The following IGSF10 variants were observed in gnomAD, a reference collection of about 807,000 sequenced individuals.
The protein encoded by IGSF10 is calvaria mechanical force protein 608.
IGSF10 carries 126 observed loss-of-function variants against 128.2 expected under a neutral mutation model. That is an observed-to-expected ratio of 0.98 (90% CI 0.85 to 1.14). The LOEUF is 1.14. Ranked by LOEUF, IGSF10 falls within the 50% of genes most tolerant of loss-of-function variation. The pLI is 0.00. For synonymous variants in IGSF10, 1,185 were observed against 1,146.2 expected, an observed-to-expected ratio of 1.03 and a Z score of -0.68; for missense variants, 3,295 against 3,149.8, an observed-to-expected ratio of 1.05 and a Z score of -1.10.
the IGSF10 span, among the ~76,000 whole-genome samples, chr3:151,541,686 C>T: frequency 9.9e-5 from 15 of 152,138 alleles, no homozygotes; most frequent in Admixed American, 2.6e-4. Flanking sequence ...CTTACTAATA[C>T]CTCCTCATGT....
chr3:151,511,727 C>A, the IGSF10 span, among the ~76,000 whole-genome samples: 2 of 152,102 alleles, frequency 1.3e-5, no homozygotes, highest in Non-Finnish European at 2.9e-5. Flanking sequence ...AACCATCTCA[C>A]GTGCAGAGAC....
At chr3:151,551,601 C>T in the IGSF10 span, among the ~76,000 whole-genome samples, 1 of 150,908 alleles carries the variant, frequency 6.6e-6, no homozygotes, top group East Asian at 2.0e-4. Context: ...ATGTCAAATA[C>T]AAGAAATAAT....
chr3:151,491,097 C>G, the IGSF10 span, among the ~76,000 whole-genome samples: 6 of 151,536 alleles, frequency 4.0e-5, no homozygotes, highest in Non-Finnish European at 8.8e-5. Flanking sequence ...ATTGACAAAC[C>G]CTTAGCTAGT....
the IGSF10 span, among the ~76,000 whole-genome samples, chr3:151,495,369 A>G: frequency 1.3e-5 from 2 of 152,106 alleles, no homozygotes; most frequent in Non-Finnish European, 1.5e-5. Flanking sequence ...TGAAAACTAA[A>G]TGGGGATCTG....
chr3:151,434,035 A>T (rs1340418443), downstream of IGSF10: 2 of 152,590 alleles, frequency 1.3e-5, no homozygotes, highest in East Asian at 3.8e-4. Flanking sequence ...ATTCTATATA[A>T]TATTTTTTTA....
rs779200430 is a variant in IGSF10 at position 151,438,139 on chromosome 3, G to A, written c.6422C>T (p.Pro2141Leu). 1.9e-6 allele frequency: 3 copies of A among 1,614,094 alleles called. No homozygotes were observed. Among genetic ancestry groups the A allele is most frequent in the Non-Finnish European group, 2.5e-6 (3 of 1,179,998 alleles). ...KVHLTVITAA[P>L]RIRQSNKTNK... The stretch of plus-strand genomic sequence containing the variant: ...GGTTTTGTTACTCTGCCTTATCCGG[G>A]GAGCAGCTGTTATAACTGTTAAGTG... The change falls in exon 8 of 8, where the codon CCC becomes CTC. Residue 2141 changes from proline to leucine, a missense_variant. Transcript: ENST00000282466.
the IGSF10 span, among the ~76,000 whole-genome samples, chr3:151,584,433 C>A: frequency 8.5e-5 from 13 of 152,250 alleles, no homozygotes; most frequent in South Asian, 2.7e-3. Context: ...TAGGTTTATG[C>A]TCACCATATT....
the IGSF10 span, among the ~76,000 whole-genome samples, chr3:151,474,301 G>A: frequency 6.6e-6 from 1 of 152,120 alleles, no homozygotes; most frequent in East Asian, 1.9e-4. Context: ...TGTTTCCTTA[G>A]ACACTACTAC....
At chr3:151,495,148 C>A in the IGSF10 span, among the ~76,000 whole-genome samples, 3 of 151,868 alleles carry the variant, frequency 2.0e-5, no homozygotes, top group Admixed American at 2.0e-4. Flanking sequence ...CTTACATAAA[C>A]GTGATTACTG....
Position 151,461,045 on chromosome 3 carries a change from T to G in IGSF10, c.-188A>C. 1 of 985,214 alleles carries G rather than the reference T, an allele frequency of 1.0e-6. No homozygotes were observed. Among genetic ancestry groups the G allele is most frequent in the Non-Finnish European group, 1.2e-6 (1 of 829,880 alleles). The allele number at this position is 985,214 out of a possible 1,614,324, so 61.0% of individuals were successfully genotyped here. Reference sequence around the variant, plus strand: ...GGGTCGTGCGGAGCTGGTCCGGAGCTCTGGGAGGGAAGGAAGGAAGGCGGA... The same window carrying G: ...GGGTCGTGCGGAGCTGGTCCGGAGCGCTGGGAGGGAAGGAAGGAAGGCGGA... On this transcript the variant is annotated 5_prime_UTR_variant, in exon 1 of 8. Coordinates refer to ENST00000282466, the MANE Select transcript of IGSF10 (RefSeq NM_178822.5).
Position 151,448,391 on chromosome 3 carries a change from T to C in IGSF10, c.1590A>G (p.Ile530Met), listed in dbSNP as rs1361181582. ...PYVSEDGRIL[I>M]DKSGKLELQM... is the part of the protein sequence containing the mutation. ...GGAGTTCCAATTTTCCACTTTTGTC[T>C]ATTAGGATCCGTCCATCCTCACTGA... is the stretch of plus-strand genomic sequence containing the variant. The change falls in exon 6 of 8, where the codon ATA (isoleucine) becomes ATG (methionine). Residue 530 changes from isoleucine to methionine, a missense_variant. Physicochemically the swap from Ile to Met is conservative, Grantham distance 10. Coordinates refer to ENST00000282466, the MANE Select transcript of IGSF10 (RefSeq NM_178822.5). The C allele has an allele frequency of 1.9e-6, 3 of 1,614,128 alleles. No homozygotes were observed.
At chr3:151,435,578 T>TAAGA (rs879350775), downstream of IGSF10, 4 of 152,038 alleles carry the variant, frequency 2.6e-5, no homozygotes, top group Non-Finnish European at 5.9e-5. Flanking sequence ...CTGAGATATC[T>TAAGA]AAGACCTATG....
chr3:151,449,336 T>C, intron 5 of IGSF10, 71 bp from the exon 6 acceptor site: 1 of 1,374,092 alleles, frequency 7.3e-7, no homozygotes, highest in Non-Finnish European at 9.7e-7. Flanking sequence ...TTTGAAGAAA[T>C]AGCTTTTGCT....
At chr3:151,533,959 A>C in the IGSF10 span, among the ~76,000 whole-genome samples, 1 of 152,236 alleles carries the variant, frequency 6.6e-6, no homozygotes, top group East Asian at 1.9e-4. Flanking sequence ...AATTTACAAG[A>C]AAACAACAAC....
the IGSF10 span, among the ~76,000 whole-genome samples, chr3:151,547,485 A>G: frequency 2.6e-5 from 4 of 151,590 alleles, no homozygotes; most frequent in African/African-American, 9.7e-5. Context: ...ACTGTTGCCA[A>G]TTGTCTAGGT....
the IGSF10 span, among the ~76,000 whole-genome samples, chr3:151,560,706 C>A: frequency 1.3e-5 from 2 of 151,622 alleles, no homozygotes; most frequent in African/African-American, 4.8e-5. Flanking sequence ...GCCATAGCCC[C>A]CCCCTCCGTC....
rs148770869 is a variant in IGSF10, at chr3:151,446,286, G to A, written c.3695C>T (p.Ala1232Val). The part of the protein sequence containing the change: ...QHKVSLQKST[A>V]VMLPKTSPAL... ...AGGAGATGTTTTAGGAAGCATCACAGCTGTGCTTTTTTGTAAACTAACTTT... is the reference window on the plus strand; with the variant it reads ...AGGAGATGTTTTAGGAAGCATCACAACTGTGCTTTTTTGTAAACTAACTTT... Residue 1232 changes from alanine to valine, a missense_variant, in exon 6 of 8, where the codon GCT (alanine) becomes GTT (valine). Physicochemically the swap from Ala to Val is moderately conservative, Grantham distance 64 (BLOSUM62 0). Coordinates refer to ENST00000282466, the MANE Select transcript of IGSF10 (RefSeq NM_178822.5). The A allele has an allele frequency of 2.5e-5, 40 of 1,613,930 alleles. No individual in the cohort carries two copies. The highest frequency in any genetic ancestry group is 3.1e-5 in the Non-Finnish European group (37 of 1,179,924).
Position 151,459,670 on chromosome 3 carries a change from G to GA in IGSF10, c.-2+590dup, listed in dbSNP as rs965049142. On this transcript the variant is annotated intron_variant, in intron 2 of 7. Coordinates refer to ENST00000282466, the MANE Select transcript of IGSF10 (RefSeq NM_178822.5). ...GGGAAGAAATATGCTCAGCTTGTCA[G>GA]AAAAAAAAAAATGGTATCTGTTACC... Among the ~76,000 whole-genome samples, 521 of 146,234 alleles carry GA rather than the reference G, an allele frequency of 3.6e-3. 2 individuals carry two copies. Among genetic ancestry groups the GA allele is most frequent in the African/African-American group, 0.012 (469 of 40,118 alleles).
chr3:151,437,950 T>C lies in IGSF10; in HGVS notation c.6611A>G (p.Lys2204Arg). Residue 2204 changes from lysine to arginine, a missense_variant, in exon 8 of 8, where the codon AAA becomes AGA. Coordinates refer to ENST00000282466, the MANE Select transcript of IGSF10 (RefSeq NM_178822.5). ...TACGTACTCTCCAGAATCGAGCAGTTTCACTTTGTTGATGGTCAAAGACCC... is the reference window on the plus strand; with the variant it reads ...TACGTACTCTCCAGAATCGAGCAGTCTCACTTTGTTGATGGTCAAAGACCC... ...ANGSLTINKV[K>R]LLDSGEYVCV... 1 of 1,614,212 alleles carries C rather than the reference T, an allele frequency of 6.2e-7. No homozygotes were observed. The highest frequency in any genetic ancestry group is 1.7e-5 in the Admixed American group (1 of 60,028).
Sources: allele counts gnomAD v4.1 joint callset (sites outside exome capture counted in the v4.1 genomes callset), GRCh38; gene constraint gnomAD v4.1.1; transcripts MANE v1.5; gene names NCBI Gene and HGNC (gene_info 2026-07-23, HGNC 2026-07-21).